The following MYCT1 variants were observed in gnomAD, a reference collection of about 807,000 sequenced individuals.
MYCT1 encodes the protein myc target protein 1.
Under a neutral mutation model 15.0 loss-of-function variants are expected in MYCT1, and 12 were observed. The observed-to-expected ratio is 0.80, with a 90% CI of 0.51 to 1.29. The LOEUF (loss-of-function observed/expected upper bound fraction) is 1.29. Among genes scored for constraint, MYCT1 ranks in the 50% most tolerant of loss-of-function variants. The pLI is 0.00. For synonymous variants in MYCT1, 104 were observed against 102.7 expected (o/e 1.01, Z -0.07); for missense variants, 287 against 279.1 (o/e 1.03, Z -0.20).
rs1382595453 is a variant in MYCT1, at chr6:152,712,664, G to T, written c.197-9078G>T. Among the ~76,000 whole-genome samples, 2 of 151,652 alleles carry T rather than the reference G, an allele frequency of 1.3e-5. 1 individual carries two copies. The highest frequency in any genetic ancestry group is 4.8e-5 in the African/African-American group (2 of 41,276). On this transcript the variant is annotated intron_variant, in intron 1 of 1. Transcript: ENST00000367245. ...CATCTTGGCTCCTCCCCCTGAAAGA[G>T]TATTTATTTCACTACTATACTTAAG...
intron 1 of MYCT1, among the ~76,000 whole-genome samples, chr6:152,714,105 G>C (rs1235922891): frequency 1.3e-5 from 2 of 151,876 alleles, no homozygotes; most frequent in African/African-American, 2.4e-5. Flanking sequence ...GCCTGTATCT[G>C]TTCTAATGTC....
the MYCT1 span, among the ~76,000 whole-genome samples, chr6:152,733,862 A>G: frequency 6.6e-6 from 1 of 152,236 alleles, no homozygotes; most frequent in Non-Finnish European, 1.5e-5. Context: ...GTTAATTTCC[A>G]GAGTACTGAA....
downstream of MYCT1, among the ~76,000 whole-genome samples, chr6:152,729,431 A>G (rs775574547): frequency 6.6e-6 from 1 of 152,138 alleles, no homozygotes; most frequent in Non-Finnish European, 1.5e-5. Context: ...ACAAAAACAT[A>G]AACACCTAAG....
chr6:152,703,297 T>C (rs563734477), intron 1 of MYCT1, among the ~76,000 whole-genome samples: 2 of 152,322 alleles, frequency 1.3e-5, no homozygotes, highest in South Asian at 4.1e-4. Flanking sequence ...GAGTTTGTGT[T>C]TTCCAGGAAT....
At chr6:152,736,465 T>TA in the MYCT1 span, among the ~76,000 whole-genome samples, 1 of 152,108 alleles carries the variant, frequency 6.6e-6, no homozygotes, top group Non-Finnish European at 1.5e-5. Context: ...AGGGGACTAT[T>TA]AGAGTATCTG....
rs770370159 is a variant in MYCT1, at chr6:152,698,120, T to C, written c.196+22T>C. The stretch of plus-strand genomic sequence containing the variant: ...TGGGGTAAGGTATTTTCTTTTACTG[T>C]TTAAAATTTAAAATTAGGATGTAAG... On this transcript the variant is annotated intron_variant, in intron 1 of 1. Transcript: ENST00000367245. 36 of 1,368,940 alleles carry C rather than the reference T, an allele frequency of 2.6e-5. No homozygotes were observed. In the East Asian group the frequency reaches 6.2e-4, roughly 24 times the overall value. The allele number at this position is 1,368,940 out of a possible 1,614,324, so 84.8% of individuals were successfully genotyped here.
At chr6:152,731,315 T>C in the MYCT1 span, among the ~76,000 whole-genome samples, 144 of 152,350 alleles carry the variant, frequency 9.5e-4, 2 homozygotes, top group East Asian at 0.012. Context: ...TTATTTATTA[T>C]ATCATTGCTA....
At chr6:152,703,945 ATTTTATTTTATTTTATTTTAT>A (rs1476201772) in intron 1 of MYCT1, among the ~76,000 whole-genome samples, 805 of 30,582 alleles carry the variant, frequency 0.026, 14 homozygotes, top group African/African-American at 0.051. Context: ...CCTGTTTTTT[ATTTTATTTTATTTTATTTTAT>A]TTTATTTTAT....
chr6:152,733,178 A>G, the MYCT1 span, among the ~76,000 whole-genome samples: 1 of 151,744 alleles, frequency 6.6e-6, no homozygotes, highest in Non-Finnish European at 1.5e-5. Flanking sequence ...ATCTCAGTGC[A>G]CTGCAACCTT....
chr6:152,729,955 C>A, the MYCT1 span, among the ~76,000 whole-genome samples: 1 of 152,136 alleles, frequency 6.6e-6, no homozygotes, highest in African/African-American at 2.4e-5. Context: ...AATTTAAAAG[C>A]CCCTTTCTTC....
the MYCT1 span, among the ~76,000 whole-genome samples, chr6:152,739,371 A>G: frequency 1.3e-5 from 2 of 151,634 alleles, no homozygotes; most frequent in Non-Finnish European, 2.9e-5. Flanking sequence ...GATTATTTTT[A>G]TTACTTCCTT....
the MYCT1 span, among the ~76,000 whole-genome samples, chr6:152,738,144 A>T: frequency 3.3e-5 from 5 of 152,104 alleles, no homozygotes; most frequent in Non-Finnish European, 7.4e-5. Flanking sequence ...AAATAATTAT[A>T]AAAATTCTGT....
chr6:152,732,982 A>C, the MYCT1 span, among the ~76,000 whole-genome samples: 1 of 152,234 alleles, frequency 6.6e-6, no homozygotes, highest in Non-Finnish European at 1.5e-5. Flanking sequence ...GTGGGTTTCT[A>C]GATTCCCCAG....
downstream of MYCT1, among the ~76,000 whole-genome samples, chr6:152,727,966 C>T (rs779336425): frequency 2.6e-5 from 4 of 152,032 alleles, no homozygotes; most frequent in Non-Finnish European, 4.4e-5. Flanking sequence ...GAATTCGAGA[C>T]CCGCCTAGCC....
chr6:152,718,364 C>T (rs1175285093), intron 1 of MYCT1, among the ~76,000 whole-genome samples: 1 of 151,964 alleles, frequency 6.6e-6, no homozygotes, highest in Non-Finnish European at 1.5e-5. Flanking sequence ...ATTTCTCACT[C>T]CATGTATTTT....
chr6:152,744,352 A>G, the MYCT1 span, among the ~76,000 whole-genome samples: 40,089 of 152,094 alleles, frequency 0.26, 7,510 homozygotes, highest in African/African-American at 0.54. Flanking sequence ...ATTTTAAAAC[A>G]TGCAGGCCTT....
At chr6:152,738,368 T>C in the MYCT1 span, among the ~76,000 whole-genome samples, 1 of 152,138 alleles carries the variant, frequency 6.6e-6, no homozygotes, top group Non-Finnish European at 1.5e-5. Context: ...GAAATAGTTA[T>C]ATTGTAATAA....
the MYCT1 span, among the ~76,000 whole-genome samples, chr6:152,729,789 C>A: frequency 1.4e-4 from 21 of 152,134 alleles, no homozygotes. Context: ...CTCAACAGAC[C>A]AAAAGGGTCT....
chr6:152,725,383 A>G (rs529902732), downstream of MYCT1, among the ~76,000 whole-genome samples: 5 of 152,352 alleles, frequency 3.3e-5, no homozygotes, highest in South Asian at 1.0e-3. Flanking sequence ...ACTGCATGTT[A>G]CTACTAAGAA....
Sources: allele counts gnomAD v4.1 joint callset (sites outside exome capture counted in the v4.1 genomes callset), GRCh38; gene constraint gnomAD v4.1.1; transcripts MANE v1.5; gene names NCBI Gene and HGNC (gene_info 2026-07-23, HGNC 2026-07-21).